Variants in CUX2 observed in about 807,000 individuals in gnomAD.
CUX2 encodes homeobox protein cut-like 2.
Under a neutral mutation model 144.8 loss-of-function variants are expected in CUX2, and 40 were observed. The observed-to-expected ratio is 0.28, with a 90% CI of 0.21 to 0.36. The LOEUF (loss-of-function observed/expected upper bound fraction) is 0.36, where lower values mean the gene tolerates loss of function less well. CUX2 is among the 10% of genes least tolerant of loss of function. The pLI is 1.00. For synonymous variants in CUX2, 827 were observed against 875.6 expected, an observed-to-expected ratio of 0.94 and a Z score of 0.98; for missense variants, 1,615 against 1,994.0, an observed-to-expected ratio of 0.81 and a Z score of 3.62.
At chr12:111,069,780 T>C (rs1871185245) in intron 1 of CUX2, among the ~76,000 whole-genome samples, 1 of 152,108 alleles carries the variant, frequency 6.6e-6, no homozygotes, top group South Asian at 2.1e-4. Flanking sequence ...ATTTTTACCT[T>C]AAATACATCT....
chr12:111,265,585 C>T (rs1213375535), intron 4 of CUX2, among the ~76,000 whole-genome samples: 2 of 151,962 alleles, frequency 1.3e-5, no homozygotes, highest in African/African-American at 4.8e-5. Flanking sequence ...TCAAGTGATC[C>T]GCCCACCTCA....
At chr12:111,074,873 G>A (rs1871439339) in intron 1 of CUX2, among the ~76,000 whole-genome samples, 2 of 150,726 alleles carry the variant, frequency 1.3e-5, no homozygotes, top group Non-Finnish European at 2.9e-5. Context: ...CGTGCCCCTC[G>A]GGCCCAGGCC....
At chr12:111,055,922 G>A (rs1171576171) in intron 1 of CUX2, among the ~76,000 whole-genome samples, 9 of 152,196 alleles carry the variant, frequency 5.9e-5, no homozygotes, top group East Asian at 1.9e-4. Context: ...TAGCTCTGCC[G>A]TGAAGCAGCC....
intron 4 of CUX2, among the ~76,000 whole-genome samples, chr12:111,284,913 C>T (rs1016438694): frequency 4.8e-4 from 73 of 152,284 alleles, no homozygotes; most frequent in African/African-American, 1.7e-3. Context: ...CCTCCTCTTT[C>T]CTTCCTGGAG....
At chr12:111,323,811 C>A (rs936899748) in intron 18 of CUX2, among the ~76,000 whole-genome samples, 4 of 152,082 alleles carry the variant, frequency 2.6e-5, no homozygotes, top group African/African-American at 9.7e-5. Flanking sequence ...AATCCCAATA[C>A]TTTGGGAGGT....
chr12:111,074,685 C>T (rs921703789), intron 1 of CUX2, among the ~76,000 whole-genome samples: 1 of 151,992 alleles, frequency 6.6e-6, no homozygotes, highest in African/African-American at 2.4e-5. Context: ...TTGTGGGCAC[C>T]AGAACCAACT....
Position 111,348,491 on chromosome 12 carries a change from G to C in CUX2, c.*166G>C. 2.9e-6 allele frequency: 2 copies of C among 690,576 alleles called. No individual in the cohort carries two copies. The highest frequency in any genetic ancestry group is 4.7e-6 in the Non-Finnish European group (2 of 421,956). 42.8% of individuals were successfully genotyped at this position (690,576 alleles called of 1,614,324 possible). A position where few individuals can be genotyped will look rare whatever the true frequency, so the allele number is the denominator to read the frequency against. ...GTTGTAATCCTAGTTCTATGAAGCT[G>C]TGTGAGCAGGTGGGTCAAATGCCAT... On this transcript the variant is annotated 3_prime_UTR_variant, in exon 22 of 22. Coordinates refer to ENST00000261726, the MANE Select transcript of CUX2 (RefSeq NM_015267.4).
chr12:111,214,507 C>T (rs1178701566), intron 2 of CUX2, among the ~76,000 whole-genome samples, 197 bp downstream of exon 2: 1 of 152,128 alleles, frequency 6.6e-6, no homozygotes, highest in African/African-American at 2.4e-5. Flanking sequence ...GAAGGGAGGG[C>T]GGGGCGTTTC....
At chr12:111,062,369 A>G (rs1870819933) in intron 1 of CUX2, among the ~76,000 whole-genome samples, 2 of 152,218 alleles carry the variant, frequency 1.3e-5, no homozygotes, top group South Asian at 2.1e-4. Context: ...GGCTTGTACT[A>G]TGAACATTGC....
intron 1 of CUX2, among the ~76,000 whole-genome samples, chr12:111,132,416 A>G (rs527805325): frequency 8.6e-5 from 13 of 151,980 alleles, no homozygotes; most frequent in Non-Finnish European, 2.9e-5. Context: ...ATTTTCCCCC[A>G]TGGGCTTGGG....
intron 1 of CUX2, among the ~76,000 whole-genome samples, chr12:111,142,326 C>T (rs1285088558): frequency 6.6e-6 from 1 of 151,950 alleles, no homozygotes; most frequent in Non-Finnish European, 1.5e-5. Context: ...AGGCAATGTA[C>T]AGTGGCATAA....
chr12:111,278,015 G>A (rs1884961625), intron 4 of CUX2, among the ~76,000 whole-genome samples: 1 of 152,174 alleles, frequency 6.6e-6, no homozygotes, highest in South Asian at 2.1e-4. Context: ...ATGTTCCTTG[G>A]CTCATGGCCT....
At position 111,341,847 on chromosome 12, in the gene CUX2, A is replaced by G. The variant is rs776244796; in HGVS notation, c.3453A>G (p.Ser1151=). 1.2e-6 allele frequency: 2 copies of G among 1,613,662 alleles called. No individual in the cohort carries two copies. The highest frequency in any genetic ancestry group is 1.1e-5 in the South Asian group (1 of 91,066). The change falls in exon 21 of 22, where the codon TCA becomes TCG. Residue 1151 remains serine (S), a synonymous_variant. Transcript: ENST00000261726. The part of the protein sequence containing the change: ...GSDSESPATR[S]ECPSPCLQPQ... ...ACAGTGAGTCCCCGGCCACCCGCTC[A>G]GAGTGCCCCAGCCCCTGCCTGCAGC...
intron 1 of CUX2, among the ~76,000 whole-genome samples, chr12:111,209,925 T>C (rs1358788403): frequency 1.3e-5 from 2 of 152,222 alleles, no homozygotes; most frequent in East Asian, 3.8e-4. Flanking sequence ...ATTATTTGAA[T>C]GGTCTGCGCC....
intron 1 of CUX2, among the ~76,000 whole-genome samples, chr12:111,156,096 T>C (rs1382998459): frequency 6.6e-6 from 1 of 152,148 alleles, no homozygotes. Flanking sequence ...TTGTGAAGCA[T>C]TGAGTTTAAG....
At chr12:111,052,747 ATG>A (rs1407246107) in intron 1 of CUX2, among the ~76,000 whole-genome samples, 1 of 152,008 alleles carries the variant, frequency 6.6e-6, no homozygotes, top group African/African-American at 2.4e-5. Context: ...ATGTCTGTGT[ATG>A]TGTTTGTGTG....
chr12:111,087,995 ATGATG>A (rs1407801849), intron 1 of CUX2, among the ~76,000 whole-genome samples: 26 of 152,218 alleles, frequency 1.7e-4, no homozygotes, highest in African/African-American at 6.0e-4. Flanking sequence ...TGATAAGCTA[ATGATG>A]TGGATACAGC....
chr12:111,074,132 A>G (rs1871390589), intron 1 of CUX2, among the ~76,000 whole-genome samples: 1 of 151,756 alleles, frequency 6.6e-6, no homozygotes, highest in African/African-American at 2.4e-5. Flanking sequence ...TATTTTATCC[A>G]GCAATCGGCT....
intron 1 of CUX2, among the ~76,000 whole-genome samples, chr12:111,133,919 T>G (rs760191605): frequency 3.9e-5 from 6 of 152,160 alleles, no homozygotes; most frequent in Non-Finnish European, 7.4e-5. Flanking sequence ...ACCAGGGTCT[T>G]CCCACCTGTC....
Sources: allele counts gnomAD v4.1 joint callset (sites outside exome capture counted in the v4.1 genomes callset), GRCh38; gene constraint gnomAD v4.1.1; transcripts MANE v1.5; gene names NCBI Gene and HGNC (gene_info 2026-07-23, HGNC 2026-07-21).